Variants in PCDH15 observed in about 807,000 individuals in gnomAD.
PCDH15 encodes protocadherin related 15.
A neutral mutation model predicts 178.5 loss-of-function variants in PCDH15; 129 were observed. The ratio of observed to expected loss-of-function variants is 0.72; its 90% confidence interval spans 0.63 to 0.84. The LOEUF is 0.84. Among genes scored for constraint, PCDH15 ranks in the 40% least tolerant of loss-of-function variants. PCDH15 has a pLI of 0.00. For missense variants in PCDH15, 2,230 were observed against 2,099.9 expected (o/e 1.06, Z -1.21); for synonymous variants, 800 against 732.0 (o/e 1.09, Z -1.50).
At chr10:55,159,379 A>C (rs1408805839) in intron 2 of PCDH15, among the ~76,000 whole-genome samples, 15 of 36,516 alleles carry the variant, frequency 4.1e-4, no homozygotes, top group African/African-American at 8.0e-4. Context: ...CTATATATAT[A>C]TATATATATA....
At chr10:54,473,507 AT>A (rs1191289815) in intron 3 of PCDH15, among the ~76,000 whole-genome samples, 1 of 152,056 alleles carries the variant, frequency 6.6e-6, no homozygotes, top group Admixed American at 6.6e-5. Context: ...TGTATGCAAG[AT>A]TTTCCTACTT....
chr10:55,167,846 T>G (rs1839235016), intron 1 of PCDH15, among the ~76,000 whole-genome samples: 1 of 152,168 alleles, frequency 6.6e-6, no homozygotes, highest in Non-Finnish European at 1.5e-5. Flanking sequence ...AAAGAATTGT[T>G]ATTTTACAAT....
intron 3 of PCDH15, among the ~76,000 whole-genome samples, chr10:54,888,009 G>A (rs531420331): frequency 2.6e-5 from 4 of 152,062 alleles, no homozygotes; most frequent in Admixed American, 6.6e-5. Context: ...TGTCCACAAT[G>A]AGTATTTTTT....
At chr10:55,153,118 G>A (rs1395376940) in intron 2 of PCDH15, among the ~76,000 whole-genome samples, 6 of 151,992 alleles carry the variant, frequency 3.9e-5, no homozygotes, top group Non-Finnish European at 5.9e-5. Context: ...TTTTCAAGAC[G>A]TATCATTTAA....
At chr10:55,009,597 T>G (rs959293683) in intron 2 of PCDH15, among the ~76,000 whole-genome samples, 4 of 152,160 alleles carry the variant, frequency 2.6e-5, no homozygotes, top group African/African-American at 9.7e-5. Context: ...AATTTCAATT[T>G]TTCATTAATG....
rs937852033 is a variant in PCDH15, at chr10:54,744,838, G to A, written c.-29+56087C>T. 4.1e-4 allele frequency among the ~76,000 whole-genome samples: 63 copies of A among 152,064 alleles called. 1 individual carries two copies. Among genetic ancestry groups the A allele is most frequent in the Admixed American group, 1.4e-3 (21 of 15,240 alleles). Reference sequence around the variant, plus strand: ...GTGGCCGATTTAAGCAGCAATCCACGTAAACAGACACCTGGATTTCCTTCA... The same window carrying A: ...GTGGCCGATTTAAGCAGCAATCCACATAAACAGACACCTGGATTTCCTTCA... On this transcript the variant is annotated intron_variant, in intron 1 of 37. Transcript: ENST00000644397.
At chr10:55,602,875 A>C (rs932875329) in intron 2 of PCDH15, among the ~76,000 whole-genome samples, 3 of 152,212 alleles carry the variant, frequency 2.0e-5, no homozygotes, top group Non-Finnish European at 4.4e-5. Context: ...GCAACGGAAC[A>C]AAGCTGGATG....
intron 2 of PCDH15, among the ~76,000 whole-genome samples, chr10:54,984,642 C>A (rs1839319740): frequency 6.6e-6 from 1 of 152,066 alleles, no homozygotes; most frequent in South Asian, 2.1e-4. Flanking sequence ...AGTTTGAGAC[C>A]AGCCTGGGCA....
At chr10:53,978,393 T>C (rs2134561651) in intron 21 of PCDH15, among the ~76,000 whole-genome samples, 1 of 152,256 alleles carries the variant, frequency 6.6e-6, no homozygotes, top group East Asian at 1.9e-4. Context: ...GCCTGAACTG[T>C]ACCTTGGCCC....
intron 5 of PCDH15, among the ~76,000 whole-genome samples, chr10:54,358,556 G>C (rs1945429408): frequency 6.6e-6 from 1 of 152,012 alleles, no homozygotes; most frequent in Non-Finnish European, 1.5e-5. Flanking sequence ...CTTTTACACT[G>C]TTGGTGGGAC....
At chr10:54,833,134 C>T (rs1487583944) in intron 3 of PCDH15, among the ~76,000 whole-genome samples, 1 of 152,076 alleles carries the variant, frequency 6.6e-6, no homozygotes, top group Non-Finnish European at 1.5e-5. Context: ...CCTAACAATA[C>T]CATGATGCAT....
At chr10:55,008,257 A>AG (rs1839977030) in intron 2 of PCDH15, among the ~76,000 whole-genome samples, 1 of 150,972 alleles carries the variant, frequency 6.6e-6, no homozygotes, top group Admixed American at 6.6e-5. Context: ...TCTTTGAAAA[A>AG]AAAAACAACA....
chr10:54,660,788 A>G (rs2135381708), intron 2 of PCDH15, among the ~76,000 whole-genome samples: 1 of 152,280 alleles, frequency 6.6e-6, no homozygotes, highest in South Asian at 2.1e-4. Context: ...TATTCCAGGG[A>G]TGCACAAATA....
rs559628170 is a variant in PCDH15 at position 54,450,382 on chromosome 10, G to GT, written c.158-71441dup. Among the ~76,000 whole-genome samples the GT allele has an allele frequency of 3.8e-4, 58 of 151,096 alleles. 1 individual carries two copies. The East Asian group carries it at 9.5e-3, about 25-fold the overall frequency. On this transcript the variant is annotated intron_variant, in intron 3 of 37. Transcript: ENST00000644397. ...GGACATGGTTTCATAAAATAAGAGTGTTTTTTTGTAATTATTTATAGTTTC... is the reference window on the plus strand; with the variant it reads ...GGACATGGTTTCATAAAATAAGAGTGTTTTTTTTGTAATTATTTATAGTTTC...
intron 2 of PCDH15, among the ~76,000 whole-genome samples, chr10:55,127,001 T>C (rs7092323): frequency 0.92 from 140,058 of 151,876 alleles, 64,939 homozygotes; most frequent in Non-Finnish European, 0.98. Context: ...CCTTCAGGTG[T>C]CCCCCCACCC....
At chr10:53,865,327 C>T (rs907737775) in intron 27 of PCDH15, among the ~76,000 whole-genome samples, 2 of 152,054 alleles carry the variant, frequency 1.3e-5, no homozygotes, top group African/African-American at 2.4e-5. Flanking sequence ...AGAAAGAGAA[C>T]ATGAGAGGTT....
chr10:54,360,252 C>T (rs895002842), intron 5 of PCDH15, among the ~76,000 whole-genome samples: 1 of 152,092 alleles, frequency 6.6e-6, no homozygotes, highest in African/African-American at 2.4e-5. Context: ...TTCCTATTGA[C>T]CTTCATTTCC....
intron 3 of PCDH15, among the ~76,000 whole-genome samples, chr10:54,812,953 A>G (rs59188015): frequency 0.038 from 5,754 of 152,238 alleles, 311 homozygotes; most frequent in African/African-American, 0.13. Flanking sequence ...TGACACTTAA[A>G]TGTGGATTCT....
intron 1 of PCDH15, among the ~76,000 whole-genome samples, chr10:55,255,547 G>C (rs1481703834): frequency 6.6e-6 from 1 of 152,114 alleles, no homozygotes; most frequent in East Asian, 1.9e-4. Flanking sequence ...CACAATGGTT[G>C]AACTAGTTTA....
Sources: gnomAD v4.1 joint callset for allele counts (sites outside exome capture counted in the v4.1 genomes callset) on GRCh38, gnomAD v4.1.1 for gene constraint, MANE v1.5 for transcripts, NCBI Gene and HGNC (gene_info 2026-07-23, HGNC 2026-07-21) for gene names.